NACC2: variants seen among roughly 807,000 people sequenced by gnomAD.
The protein encoded by NACC2 is nucleus accumbens-associated protein 2.
In NACC2, 8 loss-of-function variants were observed where a neutral mutation model predicts 25.1. The ratio of observed to expected loss-of-function variants is 0.32; its 90% confidence interval spans 0.19 to 0.57. NACC2 has a LOEUF of 0.57. Ranked by LOEUF, NACC2 falls within the 20% of genes least tolerant of loss-of-function variation. The probability of loss-of-function intolerance (pLI) is 0.89; values close to 1 mark genes in which losing one functional copy is unlikely to be tolerated. For missense variants in NACC2, 644 were observed against 650.2 expected, an observed-to-expected ratio of 0.99 and a Z score of 0.10; for synonymous variants, 435 against 294.7, an observed-to-expected ratio of 1.48 and a Z score of -4.88.
In NACC2 at chr9:136,086,501, T is replaced by C. The variant is rs1482982582; in HGVS notation, c.-60+8688A>G. On this transcript the variant is annotated intron_variant, in intron 1 of 5. Coordinates refer to ENST00000277554, the MANE Select transcript of NACC2 (RefSeq NM_144653.5). This position sits in a 1 kb window ranked among gnomAD's most constrained non-coding sequence, Gnocchi z 5.6. The stretch of plus-strand genomic sequence containing the variant: ...TGGTGTGGGCCCCAGGGACGTCGCA[T>C]GCCCCCAGCTTCCCGACAGCCATCT... Among the ~76,000 whole-genome samples, 1 of 152,066 alleles carries C rather than the reference T, an allele frequency of 6.6e-6. No homozygotes were observed. The highest frequency in any genetic ancestry group is 1.5e-5 in the Non-Finnish European group (1 of 67,974).
In NACC2 at chr9:136,013,416, G is replaced by A. The variant is rs548366835; in HGVS notation, c.1158-120C>T. On this transcript the variant is annotated intron_variant, in intron 4 of 5. Transcript: ENST00000277554. This position sits in a 1 kb window ranked among gnomAD's most constrained non-coding sequence, Gnocchi z 6.6. The stretch of plus-strand genomic sequence containing the variant: ...TTGGCCTCACCCTTGGCTGGTCTGC[G>A]TGTGTCCCAGTGGCAGGAGCCGGCC... The A allele has an allele frequency of 1.7e-4, 134 of 810,588 alleles. 1 individual carries two copies. Among genetic ancestry groups the A allele is most frequent in the Non-Finnish European group, 1.8e-4 (91 of 507,330 alleles). 50.2% of individuals were successfully genotyped at this position (810,588 alleles called of 1,614,324 possible).
intron 3 of NACC2, among the ~76,000 whole-genome samples, chr9:136,015,190 G>A (rs1041838020): frequency 1.3e-5 from 2 of 152,198 alleles, no homozygotes; most frequent in Non-Finnish European, 2.9e-5. Flanking sequence ...GGCCACAGCT[G>A]CTGGAGGCTG....
intron 1 of NACC2, among the ~76,000 whole-genome samples, chr9:136,077,125 G>A (rs1404421875): frequency 6.6e-6 from 1 of 151,876 alleles, no homozygotes; most frequent in Non-Finnish European, 1.5e-5. Flanking sequence ...GTTGCAGTGA[G>A]CCGAGATTGC....
chr9:136,031,415 G>A (rs1422196048), intron 2 of NACC2, among the ~76,000 whole-genome samples: 1 of 152,118 alleles, frequency 6.6e-6, no homozygotes, highest in African/African-American at 2.4e-5. Flanking sequence ...TCGGCTCACT[G>A]CAAACTCTGC....
At chr9:136,088,750 T>A (rs1228428160) in intron 1 of NACC2, among the ~76,000 whole-genome samples, 1 of 151,850 alleles carries the variant, frequency 6.6e-6, no homozygotes, top group Non-Finnish European at 1.5e-5. Context: ...CCTCCTAGGG[T>A]CCCCTGGCCA....
chr9:136,079,469 G>A (rs1041225188), intron 1 of NACC2, among the ~76,000 whole-genome samples: 3 of 152,224 alleles, frequency 2.0e-5, no homozygotes, highest in Admixed American at 6.5e-5. Context: ...CAGGCCCCAG[G>A]CTGTACAGGC....
At chr9:136,051,876 A>AAGGAGG (rs1162435573) in intron 1 of NACC2, among the ~76,000 whole-genome samples, 3,874 of 132,328 alleles carry the variant, frequency 0.029, 191 homozygotes, top group African/African-American at 0.092. Flanking sequence ...GGGAGCCGGC[A>AAGGAGG]AGGAGGAGGA....
chr9:136,089,290 A>C (rs1404976709), intron 1 of NACC2, among the ~76,000 whole-genome samples: 1 of 152,096 alleles, frequency 6.6e-6, no homozygotes, highest in East Asian at 1.9e-4. Context: ...AGGAGGACCC[A>C]CGGGCCACGT....
chr9:136,084,237 C>G lies in NACC2; in HGVS notation c.-60+10952G>C, dbSNP rs1830354725. Among the ~76,000 whole-genome samples, 1 of 152,110 alleles carries G rather than the reference C, an allele frequency of 6.6e-6. No homozygotes were observed. Among genetic ancestry groups the G allele is most frequent in the Non-Finnish European group, 1.5e-5 (1 of 68,028 alleles). Reference sequence around the variant, plus strand: ...GCCTCCCCGCTCCCAGGTCAAAGACCTCCACACCCAGACCTGGTCCTGGGT... The same window carrying G: ...GCCTCCCCGCTCCCAGGTCAAAGACGTCCACACCCAGACCTGGTCCTGGGT... On this transcript the variant is annotated intron_variant, in intron 1 of 5. Coordinates refer to ENST00000277554, the MANE Select transcript of NACC2 (RefSeq NM_144653.5). This position sits in a 1 kb window ranked among gnomAD's most constrained non-coding sequence, Gnocchi z 5.1.
At chr9:136,023,499 G>A (rs959931478) in intron 2 of NACC2, among the ~76,000 whole-genome samples, 4 of 152,126 alleles carry the variant, frequency 2.6e-5, no homozygotes, top group Non-Finnish European at 4.4e-5. Context: ...GCTTCCTCCA[G>A]GCCTGGCAGG....
intron 1 of NACC2, among the ~76,000 whole-genome samples, chr9:136,085,809 C>T (rs983207130): frequency 6.6e-6 from 1 of 152,258 alleles, no homozygotes; most frequent in Non-Finnish European, 1.5e-5. Flanking sequence ...TCCCCACCTG[C>T]CAATGCTGGG....
intron 1 of NACC2, among the ~76,000 whole-genome samples, chr9:136,078,262 C>T (rs1418057716): frequency 6.6e-6 from 1 of 152,156 alleles, no homozygotes; most frequent in Non-Finnish European, 1.5e-5. Flanking sequence ...TTGTGGCCAG[C>T]CCCACTCGCC....
rs968671445 is a variant in NACC2 at position 136,085,147 on chromosome 9, T to C, written c.-60+10042A>G. On this transcript the variant is annotated intron_variant, in intron 1 of 5. Coordinates refer to ENST00000277554, the MANE Select transcript of NACC2 (RefSeq NM_144653.5). ...GACTCCATTTCTACAATTTTTTTTT[T>C]TTTTTTTTTTTTTTTTGGCGAGACT... 1.9e-3 allele frequency among the ~76,000 whole-genome samples: 233 copies of C among 122,284 alleles called. 1 individual carries two copies. The highest frequency in any genetic ancestry group is 3.0e-3 in the Non-Finnish European group (167 of 56,358). 80.2% of individuals were successfully genotyped at this position (122,284 alleles called of 152,430 possible). A position where few individuals can be genotyped will look rare whatever the true frequency, so the allele number is the denominator to read the frequency against.
At chr9:136,045,902 A>G (rs1397423289) in intron 2 of NACC2, among the ~76,000 whole-genome samples, 3 of 151,976 alleles carry the variant, frequency 2.0e-5, no homozygotes, top group Non-Finnish European at 4.4e-5. Context: ...CCCCAAGCCC[A>G]GCCCCAGCTG....
In NACC2 at chr9:136,095,206, G is replaced by A. The variant is rs1001013555; in HGVS notation, c.-77C>T. On this transcript the variant is annotated 5_prime_UTR_variant, in exon 1 of 6. Transcript: ENST00000277554. ...GGCGGTACCTGCGGGCGCCCGGCCC[G>A]GTCCGGCCTGGGCAGCTGCGGCGCG... The A allele has an allele frequency of 2.7e-5, 4 of 147,256 alleles. No individual in the cohort carries two copies. Among genetic ancestry groups the A allele is most frequent in the African/African-American group, 7.3e-5 (3 of 40,928 alleles). 9.1% of individuals were successfully genotyped at this position (147,256 alleles called of 1,614,324 possible).
At chr9:136,069,480 C>A (rs1272326072) in intron 1 of NACC2, among the ~76,000 whole-genome samples, 1 of 151,322 alleles carries the variant, frequency 6.6e-6, no homozygotes, top group Non-Finnish European at 1.5e-5. Context: ...AACCAGAAGG[C>A]GGAGGTTGCA....
chr9:136,051,669 C>T (rs1840841000), intron 1 of NACC2, among the ~76,000 whole-genome samples: 1 of 151,988 alleles, frequency 6.6e-6, no homozygotes, highest in Non-Finnish European at 1.5e-5. Context: ...GGTGGACGCG[C>T]GCCGGGGGCG....
intron 1 of NACC2, among the ~76,000 whole-genome samples, chr9:136,067,989 G>A (rs540849483): frequency 1.4e-4 from 22 of 152,282 alleles, no homozygotes; most frequent in African/African-American, 2.2e-4. Flanking sequence ...TTTGTGTATC[G>A]AAACATAGTA....
In NACC2 at chr9:136,033,894, GGTGTGTGTGTGT is replaced by G. The variant is rs57460855; in HGVS notation, c.886+15730_886+15741del. ...ATGCAATCCCAATCAAATTCCAGCA[GGTGTGTGTGTGT>G]GTGTGTGTGTGTGTGTGTGTGTGTG... On this transcript the variant is annotated intron_variant, in intron 2 of 5. Transcript: ENST00000277554. 3.6e-3 allele frequency among the ~76,000 whole-genome samples: 489 copies of G among 137,030 alleles called. 12 individuals carry two copies. The East Asian group carries it at 0.059, about 17-fold the overall frequency. The allele number at this position is 137,030 out of a possible 152,430, so 89.9% of individuals were successfully genotyped here. A position where few individuals can be genotyped will look rare whatever the true frequency, so the allele number is the denominator to read the frequency against.
Sources: gnomAD v4.1 joint callset for allele counts (sites outside exome capture counted in the v4.1 genomes callset) on GRCh38, gnomAD v4.1.1 for gene constraint, Gnocchi (gnomAD v3.1) non-coding constraint, MANE v1.5 for transcripts, NCBI Gene and HGNC (gene_info 2026-07-23, HGNC 2026-07-21) for gene names.